Variants in BANP observed in about 807,000 individuals in gnomAD.
The protein encoded by BANP is BTG3 associated nuclear protein, also known as protein BANP.
A neutral mutation model predicts 68.1 loss-of-function variants in BANP; 11 were observed. The ratio of observed to expected loss-of-function variants is 0.16; its 90% CI spans 0.10 to 0.27. The LOEUF (loss-of-function observed/expected upper bound fraction) is 0.27, where lower values mean the gene tolerates loss of function less well. Among genes scored for constraint, BANP ranks in the 10% least tolerant of loss-of-function variants. The pLI, the probability that BANP is intolerant of heterozygous loss-of-function variation, is 1.00. For synonymous variants in BANP, 329 were observed against 303.2 expected, an observed-to-expected ratio of 1.09 and a Z score of -0.88; for missense variants, 504 against 722.7, an observed-to-expected ratio of 0.70 and a Z score of 3.47.
rs376633395 is a variant in BANP, at chr16:88,044,799, C to T, written c.1311+6788C>T. 2.0e-4 allele frequency among the ~76,000 whole-genome samples: 30 copies of T among 152,140 alleles called. 1 individual carries two copies. The highest frequency in any genetic ancestry group is 1.3e-3 in the East Asian group (7 of 5,188). ...GAGATCGAGACCATGCTGGCTAACA[C>T]GGTGAAACCCCTTCTCTACTAAAAA... On this transcript the variant is annotated intron_variant, in intron 11 of 13. Transcript: ENST00000682872.
rs1412810938 is a variant in BANP, at chr16:87,951,489, C to G, written c.-95C>G. The G allele has an allele frequency of 6.6e-6, 1 of 152,568 alleles. No individual in the cohort carries two copies. The highest frequency in any genetic ancestry group is 2.4e-5 in the African/African-American group (1 of 41,398). 9.5% of individuals were successfully genotyped at this position (152,568 alleles called of 1,614,324 possible). The stretch of plus-strand genomic sequence containing the variant: ...GCCATTATCGCATCTCCCCGACAAA[C>G]ACCACGAGAATTCCGCAGCCCACAC... On this transcript the variant is annotated 5_prime_UTR_variant, in exon 1 of 14. Transcript: ENST00000682872.
chr16:88,059,287 G>A (rs1035910697), intron 11 of BANP, among the ~76,000 whole-genome samples: 5 of 151,790 alleles, frequency 3.3e-5, no homozygotes, highest in African/African-American at 1.2e-4. Flanking sequence ...GGTGTGGAGA[G>A]GGGGCACTGC....
chr16:88,044,779 C>T lies in BANP; in HGVS notation c.1311+6768C>T, dbSNP rs563303408. Among the ~76,000 whole-genome samples the T allele has an allele frequency of 3.7e-4, 57 of 152,256 alleles. No individual in the cohort carries two copies. In the South Asian group the frequency reaches 4.4e-3, roughly 12 times the overall value. ...CAGGTGGATCACGAGGTCAGGAGATCGAGACCATGCTGGCTAACACGGTGA... is the reference window on the plus strand; with the variant it reads ...CAGGTGGATCACGAGGTCAGGAGATTGAGACCATGCTGGCTAACACGGTGA... On this transcript the variant is annotated intron_variant, in intron 11 of 13. Coordinates refer to ENST00000682872, the MANE Select transcript of BANP (RefSeq NM_001386991.1).
At chr16:87,954,809 G>T (rs568702991) in intron 1 of BANP, among the ~76,000 whole-genome samples, 1 of 152,368 alleles carries the variant, frequency 6.6e-6, no homozygotes, top group African/African-American at 2.4e-5. Context: ...TAAAGATGAT[G>T]TTAATGGAGT....
chr16:87,998,048 G>T (rs1041329684), intron 4 of BANP, among the ~76,000 whole-genome samples: 2 of 152,178 alleles, frequency 1.3e-5, no homozygotes, highest in Admixed American at 1.3e-4. Context: ...TTTGCTTTCG[G>T]CACGCAGAGC....
At position 88,033,209 on chromosome 16, in the gene BANP, G is replaced by C. The variant is rs373436734; in HGVS notation, c.1164G>C (p.Gln388His). The change falls in exon 9 of 14, where the codon CAG (glutamine) becomes CAC (histidine). Residue 388 changes from glutamine (Q) to histidine (H), a missense_variant. This residue lies in a region of BANP where 223 missense variants were observed against 246.2 expected (regional missense o/e 0.91). Transcript: ENST00000682872. ...HYALANAQQV[Q>H]IHQIGEDGQV... ...CGCTGGCCAACGCACAGCAGGTGCA[G>C]ATCCACCAGATCGGAGAAGACGGAC... is the stretch of plus-strand genomic sequence containing the variant. 1.9e-6 allele frequency: 3 copies of C among 1,609,120 alleles called. No homozygotes were observed. Among genetic ancestry groups the C allele is most frequent in the African/African-American group, 2.7e-5 (2 of 74,890 alleles).
chr16:88,049,634 C>T lies in BANP; in HGVS notation c.1311+11623C>T, dbSNP rs114833901. 9.5e-3 allele frequency among the ~76,000 whole-genome samples: 1,444 copies of T among 152,270 alleles called. 24 individuals carry two copies. The highest frequency in any genetic ancestry group is 0.033 in the African/African-American group (1,373 of 41,542). ...ACACACCTGGCATCATAACAAGAGA[C>T]GAACCAGGGCTGTGGGAGTTAGGGG... On this transcript the variant is annotated intron_variant, in intron 11 of 13. Transcript: ENST00000682872.
At chr16:87,987,594 G>T (rs2064771429) in intron 4 of BANP, among the ~76,000 whole-genome samples, 2 of 151,018 alleles carry the variant, frequency 1.3e-5, no homozygotes, top group Non-Finnish European at 3.0e-5. Context: ...GGGCACAGTG[G>T]CACCCGCCTG....
At chr16:87,966,818 C>CT (rs1052042137) in intron 1 of BANP, 1 of 152,342 alleles carries the variant, frequency 6.6e-6, no homozygotes, top group Non-Finnish European at 1.5e-5. Flanking sequence ...ACGTGGTGGG[C>CT]TCCAGAATAC....
Position 88,071,233 on chromosome 16 carries a change from G to C in BANP, c.1378-836G>C. Reference sequence around the variant, plus strand: ...GCATCTCCTGGCCCTCCCGTAGTGGGGTGCAACCCCAAGTGAAGACCCCGT... The same window carrying C: ...GCATCTCCTGGCCCTCCCGTAGTGGCGTGCAACCCCAAGTGAAGACCCCGT... On this transcript the variant is annotated intron_variant, in intron 12 of 13. Coordinates refer to ENST00000682872, the MANE Select transcript of BANP (RefSeq NM_001386991.1). This position sits in a 1 kb window ranked among gnomAD's most constrained non-coding sequence, Gnocchi z 6.5. The C allele has an allele frequency of 2.9e-6, 1 of 349,978 alleles. No individual in the cohort carries two copies. Among genetic ancestry groups the C allele is most frequent in the Non-Finnish European group, 5.6e-6 (1 of 177,736 alleles). The allele number at this position is 349,978 out of a possible 1,614,324, so 21.7% of individuals were successfully genotyped here.
Position 88,059,899 on chromosome 16 carries a change from C to T in BANP, c.1312-5368C>T, listed in dbSNP as rs147330671. 2.5e-3 allele frequency among the ~76,000 whole-genome samples: 388 copies of T among 152,360 alleles called. 1 individual carries two copies. The highest frequency in any genetic ancestry group is 8.6e-3 in the African/African-American group (359 of 41,592). ...ATTGGGATGGAGTCACCTGGAGCCA[C>T]GGCCTGGTGGGGAAGGGTCACATTT... On this transcript the variant is annotated intron_variant, in intron 11 of 13. Transcript: ENST00000682872.
At chr16:88,060,502 G>C (rs1489758244) in intron 11 of BANP, among the ~76,000 whole-genome samples, 1 of 152,240 alleles carries the variant, frequency 6.6e-6, no homozygotes, top group East Asian at 1.9e-4. Context: ...CATGTTTTTA[G>C]AAGTTCGTTC....
chr16:88,028,619 C>G (rs1246429576), intron 8 of BANP, among the ~76,000 whole-genome samples: 3 of 152,222 alleles, frequency 2.0e-5, no homozygotes, highest in Non-Finnish European at 4.4e-5. Flanking sequence ...CTAGGCCTTT[C>G]TACTACAATG....
At chr16:88,074,985 C>T (rs929613043) in intron 13 of BANP, among the ~76,000 whole-genome samples, 5 of 152,196 alleles carry the variant, frequency 3.3e-5, no homozygotes, top group African/African-American at 1.2e-4. Flanking sequence ...AGGGGCGTTG[C>T]TTGAGCCCAG....
At chr16:88,043,629 T>C (rs1410731667) in intron 11 of BANP, among the ~76,000 whole-genome samples, 3 of 152,112 alleles carry the variant, frequency 2.0e-5, no homozygotes. Flanking sequence ...GATTGCAGAA[T>C]TGGTTTGAGT....
intron 4 of BANP, among the ~76,000 whole-genome samples, chr16:87,999,248 G>C (rs1352867484): frequency 1.5e-5 from 2 of 137,234 alleles, no homozygotes; most frequent in Non-Finnish European, 3.1e-5. Context: ...GTGCGCGGCT[G>C]TACTTACCTG....
At chr16:87,969,057 G>A in intron 1 of BANP, among the ~76,000 whole-genome samples, 1 of 152,114 alleles carries the variant, frequency 6.6e-6, no homozygotes, top group Non-Finnish European at 1.5e-5. Context: ...CATGTCGTCT[G>A]CACTGCCCTC....
At chr16:88,049,690 C>T (rs1441095360) in intron 11 of BANP, among the ~76,000 whole-genome samples, 1 of 152,118 alleles carries the variant, frequency 6.6e-6, no homozygotes, top group East Asian at 1.9e-4. Context: ...CAGTATCTCT[C>T]GTAAACACCA....
intron 11 of BANP, among the ~76,000 whole-genome samples, chr16:88,046,958 C>T (rs1217417624): frequency 6.6e-6 from 1 of 151,556 alleles, no homozygotes; most frequent in African/African-American, 2.4e-5. Flanking sequence ...CCCAGCTACT[C>T]GGGAGGCTGA....
Sources: allele counts gnomAD v4.1 joint callset (sites outside exome capture counted in the v4.1 genomes callset), GRCh38; gene constraint gnomAD v4.1.1; regional missense constraint gnomAD v4.1.1; non-coding constraint Gnocchi (gnomAD v3.1); transcripts MANE v1.5; gene names NCBI Gene and HGNC (gene_info 2026-07-23, HGNC 2026-07-21).